KCNIP4: variants seen among roughly 807,000 people sequenced by gnomAD.
The protein encoded by KCNIP4 is Kv channel-interacting protein 4.
A neutral mutation model predicts 34.0 loss-of-function variants in KCNIP4; 12 were observed. That is an observed-to-expected ratio of 0.35 (90% CI 0.23 to 0.57). The LOEUF (loss-of-function observed/expected upper bound fraction) is 0.57. Ranked by LOEUF, KCNIP4 falls within the 20% of genes least tolerant of loss-of-function variation. KCNIP4 has a pLI of 0.83. For missense variants in KCNIP4, 238 were observed against 311.7 expected (o/e 0.76, Z 1.78); for synonymous variants, 124 against 102.2 (o/e 1.21, Z -1.29).
At chr4:20,909,973 A>G (rs1728173961) in intron 1 of KCNIP4, among the ~76,000 whole-genome samples, 1 of 152,126 alleles carries the variant, frequency 6.6e-6, no homozygotes, top group South Asian at 2.1e-4. Context: ...AAAACTTCTT[A>G]TTTCTAGTCT....
At chr4:21,116,503 G>C (rs779219630) in intron 1 of KCNIP4, among the ~76,000 whole-genome samples, 2 of 152,168 alleles carry the variant, frequency 1.3e-5, no homozygotes, top group Non-Finnish European at 1.5e-5. Context: ...ACAGGTAAAG[G>C]CATCACGCTT....
chr4:21,612,831 G>C (rs577142281), intron 1 of KCNIP4, among the ~76,000 whole-genome samples: 1 of 152,276 alleles, frequency 6.6e-6, no homozygotes, highest in Non-Finnish European at 1.5e-5. Flanking sequence ...TGTGTTAAGT[G>C]CAAGTTATAA....
chr4:21,669,563 G>T (rs982162453), intron 1 of KCNIP4, among the ~76,000 whole-genome samples: 2 of 152,118 alleles, frequency 1.3e-5, no homozygotes, highest in Non-Finnish European at 2.9e-5. Context: ...GGAGTCAAAA[G>T]TTTTATGTGG....
chr4:21,176,915 T>G (rs1034046769), intron 1 of KCNIP4, among the ~76,000 whole-genome samples: 1 of 152,208 alleles, frequency 6.6e-6, no homozygotes, highest in East Asian at 1.9e-4. Context: ...TTTATCTATC[T>G]CACATGTTTA....
chr4:21,179,325 G>A (rs1754672907), intron 1 of KCNIP4, among the ~76,000 whole-genome samples: 2 of 152,060 alleles, frequency 1.3e-5, no homozygotes, highest in South Asian at 4.1e-4. Flanking sequence ...TTCAAACATT[G>A]AGATCATAGT....
At chr4:20,868,337 C>T (rs1212448362) in intron 2 of KCNIP4, among the ~76,000 whole-genome samples, 1 of 151,820 alleles carries the variant, frequency 6.6e-6, no homozygotes, top group African/African-American at 2.4e-5. Flanking sequence ...TTAGAAAGTC[C>T]AAAAACAGAT....
chr4:21,706,784 GC>G (rs1171420182), intron 1 of KCNIP4, among the ~76,000 whole-genome samples: 1 of 152,096 alleles, frequency 6.6e-6, no homozygotes, highest in Non-Finnish European at 1.5e-5. Flanking sequence ...ACATTGTTAT[GC>G]CTTTCAAATT....
intron 1 of KCNIP4, among the ~76,000 whole-genome samples, chr4:21,870,529 A>G (rs533116610): frequency 1.3e-5 from 2 of 152,364 alleles, no homozygotes; most frequent in South Asian, 4.1e-4. Flanking sequence ...AAATGCTCCA[A>G]CTGCAGGTCT....
At chr4:21,453,869 G>C (rs1229348360) in intron 1 of KCNIP4, among the ~76,000 whole-genome samples, 1 of 152,022 alleles carries the variant, frequency 6.6e-6, no homozygotes, top group Non-Finnish European at 1.5e-5. Context: ...TCTAAAGTCA[G>C]ACTGCCTGCC....
At chr4:20,950,008 TAATAAATA>T (rs539865553) in intron 1 of KCNIP4, among the ~76,000 whole-genome samples, 2 of 141,510 alleles carry the variant, frequency 1.4e-5, no homozygotes, top group Non-Finnish European at 3.1e-5. Flanking sequence ...TAAAGTATAA[TAATAAATA>T]AATAAATAAA....
intron 1 of KCNIP4, among the ~76,000 whole-genome samples, chr4:21,078,982 C>T (rs1343921960): frequency 6.6e-6 from 1 of 152,082 alleles, no homozygotes; most frequent in Non-Finnish European, 1.5e-5. Flanking sequence ...TCTGTAGGAG[C>T]CTCCCTCTTG....
At chr4:21,554,713 C>T (rs1738849070) in intron 1 of KCNIP4, among the ~76,000 whole-genome samples, 1 of 152,110 alleles carries the variant, frequency 6.6e-6, no homozygotes, top group Admixed American at 6.6e-5. Context: ...GATAAGGTCA[C>T]TCACACTTCC....
intron 1 of KCNIP4, among the ~76,000 whole-genome samples, chr4:21,234,651 A>C (rs1018075795): frequency 6.8e-6 from 1 of 146,352 alleles, no homozygotes; most frequent in South Asian, 2.1e-4. Flanking sequence ...GAATATATAT[A>C]TGTTATATAT....
chr4:21,446,427 T>C (rs1318726684), intron 1 of KCNIP4, among the ~76,000 whole-genome samples: 1 of 151,930 alleles, frequency 6.6e-6, no homozygotes, highest in Admixed American at 6.6e-5. Flanking sequence ...ATATACACCA[T>C]GGAATACTAT....
intron 1 of KCNIP4, among the ~76,000 whole-genome samples, chr4:21,789,708 T>A (rs1720151815): frequency 6.6e-6 from 1 of 152,160 alleles, no homozygotes; most frequent in Non-Finnish European, 1.5e-5. Flanking sequence ...AACAAAAGAT[T>A]TAATTTCTGT....
At chr4:21,575,817 CA>C (rs1052411647) in intron 1 of KCNIP4, among the ~76,000 whole-genome samples, 10 of 152,210 alleles carry the variant, frequency 6.6e-5, no homozygotes, top group African/African-American at 2.4e-4. Flanking sequence ...TATATTATTT[CA>C]AAAGAAAATT....
intron 1 of KCNIP4, among the ~76,000 whole-genome samples, chr4:21,458,715 A>G (rs1161030996): frequency 1.3e-5 from 2 of 152,042 alleles, no homozygotes; most frequent in Non-Finnish European, 2.9e-5. Flanking sequence ...TCATTCCCCT[A>G]TTCTCACAGC....
chr4:21,075,948 G>C (rs528575923), intron 1 of KCNIP4, among the ~76,000 whole-genome samples: 24 of 152,140 alleles, frequency 1.6e-4, no homozygotes, highest in Non-Finnish European at 3.2e-4. Context: ...CTTTCTTTAA[G>C]AATGTTGAAT....
At chr4:21,741,162 C>T (rs1322859530) in intron 1 of KCNIP4, among the ~76,000 whole-genome samples, 2 of 152,050 alleles carry the variant, frequency 1.3e-5, no homozygotes, top group Non-Finnish European at 2.9e-5. Flanking sequence ...TTTCCAAACC[C>T]AATTTTATTT....
Sources: allele counts gnomAD v4.1 joint callset (sites outside exome capture counted in the v4.1 genomes callset), GRCh38; gene constraint gnomAD v4.1.1; transcripts MANE v1.5; gene names NCBI Gene and HGNC (gene_info 2026-07-23, HGNC 2026-07-21).